Variants in FRMD5 observed in about 807,000 individuals in gnomAD.
FRMD5 encodes the protein FERM domain-containing protein 5.
In FRMD5, 20 loss-of-function variants were observed where a neutral mutation model predicts 69.0. The ratio of observed to expected loss-of-function variants is 0.29; its 90% CI spans 0.20 to 0.42. The LOEUF is 0.42. Ranked by LOEUF, FRMD5 falls within the 10% of genes least tolerant of loss-of-function variation. The probability of loss-of-function intolerance (pLI) is 1.00; values close to 1 mark genes in which losing one functional copy is unlikely to be tolerated. For synonymous variants in FRMD5, 271 were observed against 260.1 expected (o/e 1.04, Z -0.40); for missense variants, 595 against 708.6 (o/e 0.84, Z 1.82).
chr15:43,961,102 A>G (rs1274171569), intron 1 of FRMD5, among the ~76,000 whole-genome samples: 1 of 152,206 alleles, frequency 6.6e-6, no homozygotes, highest in Non-Finnish European at 1.5e-5. Context: ...TCAAAAAATC[A>G]ATGAATCCAG....
chr15:44,087,174 A>T (rs571241499), intron 1 of FRMD5, among the ~76,000 whole-genome samples: 1 of 152,026 alleles, frequency 6.6e-6, no homozygotes, highest in South Asian at 2.1e-4. Context: ...GTGTGGTAAC[A>T]CACCTGGCTA....
chr15:43,975,615 G>C (rs2090450461), intron 1 of FRMD5, among the ~76,000 whole-genome samples: 1 of 152,158 alleles, frequency 6.6e-6, no homozygotes, highest in Non-Finnish European at 1.5e-5. Flanking sequence ...GTTGCTGAGA[G>C]AAATGAAAGA....
intron 4 of FRMD5, among the ~76,000 whole-genome samples, chr15:43,918,361 T>C (rs1312092552): frequency 6.6e-6 from 1 of 152,098 alleles, no homozygotes; most frequent in Non-Finnish European, 1.5e-5. Context: ...AAGGTGGAGG[T>C]TGCAGTGAGC....
chr15:43,989,949 G>C, intron 1 of FRMD5: 2 of 1,135,442 alleles, frequency 1.8e-6, no homozygotes, highest in Non-Finnish European at 2.7e-6. Flanking sequence ...TGTCGTCCCA[G>C]GTGGTGACAA....
At chr15:44,148,783 G>C (rs769937049) in intron 1 of FRMD5, among the ~76,000 whole-genome samples, 9 of 152,042 alleles carry the variant, frequency 5.9e-5, no homozygotes, top group Non-Finnish European at 1.0e-4. Flanking sequence ...TATGCACTAG[G>C]ATACCAAAAA....
At chr15:44,008,808 C>T (rs1160611855) in intron 1 of FRMD5, among the ~76,000 whole-genome samples, 1 of 152,106 alleles carries the variant, frequency 6.6e-6, no homozygotes, top group East Asian at 1.9e-4. Flanking sequence ...AGGCAGATCA[C>T]CAGGTCAGAA....
chr15:44,023,297 G>C (rs1045236865), intron 1 of FRMD5, among the ~76,000 whole-genome samples: 1 of 152,164 alleles, frequency 6.6e-6, no homozygotes, highest in Non-Finnish European at 1.5e-5. Context: ...GGAATTGCTT[G>C]CAAATGAGGC....
intron 1 of FRMD5, among the ~76,000 whole-genome samples, chr15:44,125,274 C>G (rs2077010555): frequency 6.6e-6 from 1 of 151,978 alleles, no homozygotes; most frequent in African/African-American, 2.4e-5. Flanking sequence ...TGCACTCCAG[C>G]CTGGGCAACA....
chr15:44,104,359 GA>G (rs546896018), intron 1 of FRMD5, among the ~76,000 whole-genome samples: 2 of 152,014 alleles, frequency 1.3e-5, no homozygotes, highest in African/African-American at 2.4e-5. Flanking sequence ...TGTTATTGAA[GA>G]AAAAAATTTT....
At chr15:44,128,629 T>C (rs1052142440) in intron 1 of FRMD5, among the ~76,000 whole-genome samples, 9 of 152,208 alleles carry the variant, frequency 5.9e-5, no homozygotes, top group African/African-American at 2.2e-4. Context: ...AGGGTATTCC[T>C]AGATATGTGC....
chr15:43,962,444 T>A (rs542812406), intron 1 of FRMD5, among the ~76,000 whole-genome samples: 1 of 152,158 alleles, frequency 6.6e-6, no homozygotes, highest in Admixed American at 6.5e-5. Context: ...TGCTCATGGG[T>A]AGGAAGAATC....
chr15:44,179,540 C>T (rs1293971270), intron 1 of FRMD5, among the ~76,000 whole-genome samples: 2 of 152,172 alleles, frequency 1.3e-5, no homozygotes, highest in African/African-American at 4.8e-5. Context: ...TCTGCAAACT[C>T]AAAGACCAGA....
chr15:44,134,470 A>T (rs2077152315), intron 1 of FRMD5, among the ~76,000 whole-genome samples: 1 of 152,160 alleles, frequency 6.6e-6, no homozygotes, highest in Non-Finnish European at 1.5e-5. Context: ...TTCTTTTGAG[A>T]CAGGGTCTCG....
intron 1 of FRMD5, among the ~76,000 whole-genome samples, chr15:44,123,685 A>G (rs548573044): frequency 3.2e-4 from 49 of 152,292 alleles, no homozygotes; most frequent in Non-Finnish European, 5.4e-4. Context: ...AAGAAAACAA[A>G]CATGCAATTA....
chr15:43,951,983 TGTGTGTGTGTGTGTGTCTGTGTGTGTG>T, intron 1 of FRMD5, among the ~76,000 whole-genome samples: 1 of 139,150 alleles, frequency 7.2e-6, no homozygotes, highest in African/African-American at 2.8e-5. Context: ...GTGTGTGTTG[TGTGTGTGTGTGTGTGTCTGTGTGTGTG>T]TGTGTGTGTG....
At chr15:44,101,483 C>T (rs1281097695) in intron 1 of FRMD5, 1 of 152,640 alleles carries the variant, frequency 6.6e-6, no homozygotes, top group Non-Finnish European at 1.5e-5. Flanking sequence ...TGCTAATTCC[C>T]TTGGGTGCCT....
chr15:43,998,666 AG>A (rs2140162618), intron 1 of FRMD5, among the ~76,000 whole-genome samples: 1 of 152,344 alleles, frequency 6.6e-6, no homozygotes, highest in East Asian at 1.9e-4. Context: ...AGGGAAAACA[AG>A]GGGTGCTTTT....
intron 1 of FRMD5, among the ~76,000 whole-genome samples, chr15:43,935,036 G>A (rs1296287008): frequency 6.6e-6 from 1 of 152,236 alleles, no homozygotes; most frequent in Non-Finnish European, 1.5e-5. Flanking sequence ...CTTAACCAGA[G>A]GCAGAGCCTC....
At chr15:44,093,864 G>A (rs755011836) in intron 1 of FRMD5, among the ~76,000 whole-genome samples, 72 of 151,742 alleles carry the variant, frequency 4.7e-4, no homozygotes, top group Non-Finnish European at 6.9e-4. Context: ...GATCCACCAC[G>A]CCCGGCCCCT....
Sources: allele counts gnomAD v4.1 joint callset (sites outside exome capture counted in the v4.1 genomes callset), GRCh38; gene constraint gnomAD v4.1.1; transcripts MANE v1.5; gene names NCBI Gene and HGNC (gene_info 2026-07-23, HGNC 2026-07-21).